The following PRKG1 variants were observed in gnomAD, a reference collection of about 807,000 sequenced individuals.
The protein encoded by PRKG1 is protein kinase cGMP-dependent 1.
Under a neutral mutation model 88.1 loss-of-function variants are expected in PRKG1, and 35 were observed. That is an observed-to-expected ratio of 0.40 (90% CI 0.30 to 0.53). The LOEUF is 0.53. PRKG1 is among the 20% of genes least tolerant of loss of function. The pLI, the probability that PRKG1 is intolerant of heterozygous loss-of-function variation, is 0.59. For missense variants in PRKG1, 540 were observed against 839.8 expected, an observed-to-expected ratio of 0.64 and a Z score of 4.41; for synonymous variants, 303 against 292.5, an observed-to-expected ratio of 1.04 and a Z score of -0.37.
chr10:52,149,036 G>A (rs1385996293), intron 8 of PRKG1, among the ~76,000 whole-genome samples: 3 of 141,732 alleles, frequency 2.1e-5, no homozygotes, highest in Admixed American at 1.5e-4. Context: ...AGTCAAAAGG[G>A]AAACAACAAA....
At chr10:51,525,809 A>C (rs183239146) in intron 3 of PRKG1, among the ~76,000 whole-genome samples, 2 of 152,200 alleles carry the variant, frequency 1.3e-5, no homozygotes, top group Non-Finnish European at 2.9e-5. Flanking sequence ...ATCCAAGTAG[A>C]GTAGCCATCA....
intron 2 of PRKG1, among the ~76,000 whole-genome samples, chr10:51,413,452 G>A (rs976949269): frequency 7.2e-5 from 11 of 151,898 alleles, no homozygotes; most frequent in Middle Eastern, 3.4e-3. Context: ...TCTGCTTCCC[G>A]GGGTTCAAGT....
intron 2 of PRKG1, among the ~76,000 whole-genome samples, chr10:51,380,380 G>A (rs564137677): frequency 1.8e-4 from 28 of 152,174 alleles, no homozygotes; most frequent in Admixed American, 3.3e-4. Flanking sequence ...CCAGAACACC[G>A]TTGCCTCCCC....
At chr10:51,885,594 A>T (rs1841547711) in intron 4 of PRKG1, among the ~76,000 whole-genome samples, 2 of 152,082 alleles carry the variant, frequency 1.3e-5, no homozygotes, top group South Asian at 4.1e-4. Context: ...CTTCTCCCAT[A>T]TCAAATCCTA....
intron 9 of PRKG1, among the ~76,000 whole-genome samples, chr10:52,180,335 G>T (rs1382135719): frequency 2.0e-5 from 3 of 152,068 alleles, no homozygotes; most frequent in Non-Finnish European, 2.9e-5. Context: ...TGTTTAAATT[G>T]TCTATCTGTA....
intron 5 of PRKG1, among the ~76,000 whole-genome samples, chr10:52,050,047 G>T (rs1845949890): frequency 6.9e-6 from 1 of 144,074 alleles, no homozygotes; most frequent in African/African-American, 2.5e-5. Context: ...GTGAGAGAGA[G>T]AGAGTGTGTT....
chr10:52,038,196 A>G (rs1484999637), intron 5 of PRKG1, among the ~76,000 whole-genome samples: 3 of 152,098 alleles, frequency 2.0e-5, no homozygotes, highest in African/African-American at 7.2e-5. Flanking sequence ...TTTTGAGAAC[A>G]CAGGCCAAGG....
chr10:51,992,523 C>T (rs1844339967), intron 5 of PRKG1, among the ~76,000 whole-genome samples: 1 of 152,072 alleles, frequency 6.6e-6, no homozygotes, highest in African/African-American at 2.4e-5. Flanking sequence ...TTCCCTTCAT[C>T]TGAGCTTTAT....
At chr10:52,161,165 TATA>T (rs1332288700) in intron 8 of PRKG1, among the ~76,000 whole-genome samples, 3 of 152,096 alleles carry the variant, frequency 2.0e-5, no homozygotes, top group Non-Finnish European at 4.4e-5. Context: ...GTGTTGGCGC[TATA>T]ATATTTACAA....
intron 3 of PRKG1, among the ~76,000 whole-genome samples, chr10:51,472,672 G>A (rs1453106063): frequency 1.3e-5 from 2 of 151,888 alleles, no homozygotes; most frequent in African/African-American, 2.4e-5. Flanking sequence ...TTAGATTTAT[G>A]ATAAAGACAC....
intron 1 of PRKG1, among the ~76,000 whole-genome samples, chr10:51,051,054 A>G (rs1165632089): frequency 1.3e-5 from 2 of 151,672 alleles, no homozygotes; most frequent in African/African-American, 2.4e-5. Context: ...TATATTTTGG[A>G]TATGAACACC....
At chr10:51,616,975 G>A (rs1839074139) in intron 3 of PRKG1, among the ~76,000 whole-genome samples, 1 of 152,244 alleles carries the variant, frequency 6.6e-6, no homozygotes, top group South Asian at 2.1e-4. Flanking sequence ...GCCATCTGTT[G>A]GTGGCAGGGC....
chr10:51,885,042 C>A (rs564114572), intron 4 of PRKG1, among the ~76,000 whole-genome samples: 42 of 152,334 alleles, frequency 2.8e-4, no homozygotes, highest in African/African-American at 1.0e-3. Context: ...CACTTTCTTT[C>A]AGCTTCATTA....
At chr10:51,215,695 C>T (rs762353781) in intron 2 of PRKG1, among the ~76,000 whole-genome samples, 13 of 152,326 alleles carry the variant, frequency 8.5e-5, no homozygotes, top group Non-Finnish European at 1.8e-4. Context: ...CTCTCCCTCT[C>T]CATCCCTCTC....
At chr10:52,109,489 G>C (rs1005851638) in intron 7 of PRKG1, among the ~76,000 whole-genome samples, 2 of 152,110 alleles carry the variant, frequency 1.3e-5, no homozygotes, top group African/African-American at 4.8e-5. Context: ...ATGTTTGGCT[G>C]GGCGTGGTGG....
At chr10:52,031,314 C>A (rs1262308305) in intron 5 of PRKG1, among the ~76,000 whole-genome samples, 1 of 152,146 alleles carries the variant, frequency 6.6e-6, no homozygotes, top group Non-Finnish European at 1.5e-5. Flanking sequence ...TAATATAATT[C>A]ACATATGTAC....
At chr10:51,289,297 A>G (rs1348093945) in intron 2 of PRKG1, among the ~76,000 whole-genome samples, 2 of 152,110 alleles carry the variant, frequency 1.3e-5, no homozygotes, top group Non-Finnish European at 2.9e-5. Flanking sequence ...TGTTACCATG[A>G]ATACTGGGAG....
At chr10:51,698,298 T>A in intron 3 of PRKG1, 2 of 1,614,028 alleles carry the variant, frequency 1.2e-6, no homozygotes, top group Non-Finnish European at 1.7e-6. Context: ...CGAGTCTCCA[T>A]CGCTCGAGAA....
At chr10:51,627,879 C>CCCTTCCCTTCCTCCCCTTCCTTCCCTT (rs1839379089) in intron 3 of PRKG1, among the ~76,000 whole-genome samples, 2 of 72,004 alleles carry the variant, frequency 2.8e-5, no homozygotes, top group African/African-American at 7.5e-5. Flanking sequence ...TCCTTCCCTT[C>CCCTTCCCTTCCTCCCCTTCCTTCCCTT]CCTTCCCTTC....
Sources: allele counts gnomAD v4.1 joint callset (sites outside exome capture counted in the v4.1 genomes callset), GRCh38; gene constraint gnomAD v4.1.1; transcripts MANE v1.5; gene names NCBI Gene and HGNC (gene_info 2026-07-23, HGNC 2026-07-21).